The following SERPINB12 variants were observed in gnomAD, a reference collection of about 807,000 sequenced individuals.
The protein encoded by SERPINB12 is serpin B12.
Under a neutral mutation model 41.1 loss-of-function variants are expected in SERPINB12, and 57 were observed. That is an observed-to-expected ratio of 1.39 (90% CI 1.12 to 1.73). SERPINB12 has a LOEUF of 1.73. Among genes scored for constraint, SERPINB12 ranks in the 40% most tolerant of loss-of-function variants. SERPINB12 has a pLI of 0.00. For missense variants in SERPINB12, 536 were observed against 501.9 expected (o/e 1.07, Z -0.65); for synonymous variants, 180 against 181.3 (o/e 0.99, Z 0.06).
At chr18:63,546,095 G>A (rs960816252) in intron 1 of SERPINB12, among the ~76,000 whole-genome samples, 43 of 152,098 alleles carry the variant, frequency 2.8e-4, no homozygotes, top group African/African-American at 1.0e-3. Context: ...ATTTTAGAAA[G>A]TTTTCCTTTG....
At chr18:63,537,595 C>T (rs1910199241), upstream of SERPINB12, among the ~76,000 whole-genome samples, 1 of 151,980 alleles carries the variant, frequency 6.6e-6, no homozygotes, top group African/African-American at 2.4e-5. Context: ...CTTTCATGCC[C>T]AATAAATTGT....
chr18:63,557,295 A>G (rs1346591016), intron 2 of SERPINB12, among the ~76,000 whole-genome samples: 1 of 152,002 alleles, frequency 6.6e-6, no homozygotes, highest in East Asian at 1.9e-4. Flanking sequence ...TATCTCCTAT[A>G]CGGGGCCTAC....
rs766981447 is a variant in SERPINB12 at position 63,558,378 on chromosome 18, G to T, written c.195G>T (p.Gln65His). The change falls in exon 3 of 8, where the codon CAG becomes CAT. Residue 65 changes from glutamine to histidine, a missense_variant. By Grantham distance (24) the Gln-to-His change is conservative. Transcript: ENST00000382768. ...DEVLHFNEFSQNESKEPDPCL... is the reference protein window; with the variant it reads ...DEVLHFNEFSHNESKEPDPCL... Reference sequence around the variant, plus strand: ...TACTACACTTCAACGAATTTTCCCAGAATGAAAGCAAAGAACCTGACCCTT... The same window carrying T: ...TACTACACTTCAACGAATTTTCCCATAATGAAAGCAAAGAACCTGACCCTT... 6.2e-7 allele frequency: 1 copy of T among 1,613,618 alleles called. No individual in the cohort carries two copies. The highest frequency in any genetic ancestry group is 2.2e-5 in the East Asian group (1 of 44,862).
chr18:63,552,732 T>A (rs1314125431), intron 1 of SERPINB12, among the ~76,000 whole-genome samples: 1 of 152,182 alleles, frequency 6.6e-6, no homozygotes, highest in African/African-American at 2.4e-5. Context: ...ACTAACCCAG[T>A]GGGAGAACTT....
rs1313964376 is a variant in SERPINB12, at chr18:63,551,327, C to CT, written c.-18-4807dup. Among the ~76,000 whole-genome samples, 469 of 151,894 alleles carry CT rather than the reference C, an allele frequency of 3.1e-3. 6 individuals carry two copies. The highest frequency in any genetic ancestry group is 0.011 in the African/African-American group (444 of 41,460). ...AAAAGAAAGTTTTCAGGTATGATTTCTTTTTTTTCTTTTTTGAGATGGAAT... is the reference window on the plus strand; with the variant it reads ...AAAAGAAAGTTTTCAGGTATGATTTCTTTTTTTTTCTTTTTTGAGATGGAAT... On this transcript the variant is annotated intron_variant, in intron 1 of 7. Transcript: ENST00000382768.
At chr18:63,553,603 T>C (rs547746543) in intron 1 of SERPINB12, among the ~76,000 whole-genome samples, 1 of 152,338 alleles carries the variant, frequency 6.6e-6, no homozygotes, top group East Asian at 1.9e-4. Context: ...TTAATAGTGA[T>C]GGCCAAATTG....
rs761985804 is a variant in SERPINB12 at position 63,564,090 on chromosome 18, C to T, written c.675C>T (p.Asn225=). The change falls in exon 6 of 8, where the codon AAC becomes AAT. Residue 225 remains asparagine (N), a synonymous_variant. Coordinates refer to ENST00000382768, the MANE Select transcript of SERPINB12 (RefSeq NM_001307928.2). ...GGGAAACATACTTTGACCATGAAAA[C>T]ACGGTGGATGCACCTTTCTGTCTAA... is the stretch of plus-strand genomic sequence containing the variant. ...AKWETYFDHE[N]TVDAPFCLNA... 5 of 1,614,024 alleles carry T rather than the reference C, an allele frequency of 3.1e-6. No homozygotes were observed. In the Admixed American group the frequency reaches 8.3e-5, roughly 27 times the overall value.
chr18:63,557,848 A>G (rs1314467834), intron 2 of SERPINB12, among the ~76,000 whole-genome samples: 3 of 152,236 alleles, frequency 2.0e-5, no homozygotes, highest in Non-Finnish European at 4.4e-5. Context: ...AATGAGAACC[A>G]CATAGTAATT....
At chr18:63,534,237 T>C in the SERPINB12 span, among the ~76,000 whole-genome samples, 1 of 152,114 alleles carries the variant, frequency 6.6e-6, no homozygotes, top group African/African-American at 2.4e-5. Context: ...TCAAAAGCAA[T>C]TGTAAGGCTA....
rs1018230461 is a variant in SERPINB12, at chr18:63,566,502, A to G, written c.874-105A>G. 6.4e-6 allele frequency: 6 copies of G among 932,740 alleles called. No individual in the cohort carries two copies. The Admixed American group carries it at 6.9e-5, about 11-fold the overall frequency. The allele number at this position is 932,740 out of a possible 1,614,324, so 57.8% of individuals were successfully genotyped here. ...TCTCTAGCTTAGGGAAAGGTCTTGA[A>G]GGTTGTCACTGCCCACTGAAAGGGA... On this transcript the variant is annotated intron_variant, in intron 7 of 7. Coordinates refer to ENST00000382768, the MANE Select transcript of SERPINB12 (RefSeq NM_001307928.2).
At chr18:63,528,460 T>G in the SERPINB12 span, among the ~76,000 whole-genome samples, 2 of 152,100 alleles carry the variant, frequency 1.3e-5, no homozygotes, top group African/African-American at 4.8e-5. Context: ...GTCAGGGGTT[T>G]GGACTAATGT....
intron 4 of SERPINB12, 21 bp from the exon 5 acceptor site, chr18:63,561,064 C>T: frequency 1.4e-6 from 2 of 1,480,934 alleles, no homozygotes; most frequent in Non-Finnish European, 9.4e-7. Flanking sequence ...GCATTATTTC[C>T]CTTTTATTCC....
the SERPINB12 span, among the ~76,000 whole-genome samples, chr18:63,532,462 G>A: frequency 6.6e-6 from 1 of 152,210 alleles, no homozygotes; most frequent in East Asian, 1.9e-4. Context: ...GGGCCTGAAT[G>A]TTGGGGGTTT....
upstream of SERPINB12, among the ~76,000 whole-genome samples, chr18:63,540,314 G>A (rs1454090132): frequency 1.6e-4 from 24 of 152,114 alleles, 1 homozygote; most frequent in Admixed American, 1.6e-3. Flanking sequence ...TTGCTGATGG[G>A]ATCTCCCTGG....
Position 63,566,714 on chromosome 18 carries a change from C to T in SERPINB12, c.981C>T (p.Ser327=). 6.2e-7 allele frequency: 1 copy of T among 1,614,068 alleles called. No individual in the cohort carries two copies. Among genetic ancestry groups the T allele is most frequent in the South Asian group, 1.1e-5 (1 of 91,060 alleles). ...LSFPRFTLED[S]YDLNSILQDM... ...TCCCCCGGTTCACCCTGGAAGACAG[C>T]TATGATCTCAATTCCATTTTACAAG... is the stretch of plus-strand genomic sequence containing the variant. Residue 327 remains serine, a synonymous_variant, in exon 8 of 8, where the codon AGC becomes AGT. Coordinates refer to ENST00000382768, the MANE Select transcript of SERPINB12 (RefSeq NM_001307928.2).
the SERPINB12 span, among the ~76,000 whole-genome samples, chr18:63,519,424 T>C: frequency 1.3e-5 from 2 of 152,230 alleles, no homozygotes; most frequent in African/African-American, 4.8e-5. Flanking sequence ...CACATTTATG[T>C]GTAGCACAAA....
chr18:63,554,428 T>A (rs2144328840), intron 1 of SERPINB12, among the ~76,000 whole-genome samples: 1 of 152,282 alleles, frequency 6.6e-6, no homozygotes, highest in South Asian at 2.1e-4. Context: ...GCTAAGAAAA[T>A]CTATATTAAC....
intron 1 of SERPINB12, among the ~76,000 whole-genome samples, chr18:63,553,957 C>A (rs919668935): frequency 4.9e-4 from 74 of 152,036 alleles, no homozygotes; most frequent in Non-Finnish European, 1.3e-4. Flanking sequence ...CAAAAAACAC[C>A]CACCAATTAA....
upstream of SERPINB12, among the ~76,000 whole-genome samples, chr18:63,541,081 C>T (rs1910261874): frequency 6.6e-6 from 1 of 152,236 alleles, no homozygotes; most frequent in South Asian, 2.1e-4. Flanking sequence ...TCAACTACCC[C>T]AAATTTTCTA....
Sources: allele counts gnomAD v4.1 joint callset (sites outside exome capture counted in the v4.1 genomes callset), GRCh38; gene constraint gnomAD v4.1.1; transcripts MANE v1.5; gene names NCBI Gene and HGNC (gene_info 2026-07-23, HGNC 2026-07-21).